Variants in PCDH15 observed in about 807,000 individuals in gnomAD.
PCDH15 encodes protocadherin related 15.
In PCDH15, 129 loss-of-function variants were observed where a neutral mutation model predicts 178.5. That is an observed-to-expected ratio of 0.72 (90% CI 0.63 to 0.84). PCDH15 has a LOEUF of 0.84. Ranked by LOEUF, PCDH15 falls within the 40% of genes least tolerant of loss-of-function variation. PCDH15 has a pLI of 0.00. For synonymous variants in PCDH15, 800 were observed against 732.0 expected, an observed-to-expected ratio of 1.09 and a Z score of -1.50; for missense variants, 2,230 against 2,099.9, an observed-to-expected ratio of 1.06 and a Z score of -1.21.
chr10:54,720,808 C>A (rs1941477928), intron 1 of PCDH15, among the ~76,000 whole-genome samples: 1 of 151,994 alleles, frequency 6.6e-6, no homozygotes, highest in African/African-American at 2.4e-5. Flanking sequence ...GACTTCAACA[C>A]CCTATTGACA....
At chr10:55,368,455 T>C (rs1004238231) in intron 2 of PCDH15, among the ~76,000 whole-genome samples, 4 of 152,108 alleles carry the variant, frequency 2.6e-5, no homozygotes, top group African/African-American at 9.7e-5. Flanking sequence ...TCTGGAAGCC[T>C]AAGAAACTCT....
chr10:54,599,459 A>C (rs944343715), intron 2 of PCDH15, among the ~76,000 whole-genome samples: 1 of 152,166 alleles, frequency 6.6e-6, no homozygotes, highest in Non-Finnish European at 1.5e-5. Flanking sequence ...AGCCATATGC[A>C]GAGATTGAAA....
At chr10:54,534,057 G>A (rs1264812499) in intron 2 of PCDH15, among the ~76,000 whole-genome samples, 1 of 152,118 alleles carries the variant, frequency 6.6e-6, no homozygotes, top group East Asian at 1.9e-4. Flanking sequence ...AGGACAAAAT[G>A]AGGAAATCTA....
At chr10:54,109,618 T>C (rs2094978364) in intron 15 of PCDH15, among the ~76,000 whole-genome samples, 1 of 152,220 alleles carries the variant, frequency 6.6e-6, no homozygotes, top group Non-Finnish European at 1.5e-5. Flanking sequence ...ATCTCATTTA[T>C]TCATGTGAGC....
chr10:55,109,816 C>A (rs1340115823), intron 2 of PCDH15, among the ~76,000 whole-genome samples: 1 of 151,914 alleles, frequency 6.6e-6, no homozygotes, highest in Admixed American at 6.6e-5. Flanking sequence ...CAGAAAGCAA[C>A]AGATTGAGCT....
At chr10:54,915,060 A>G (rs2131838413) in intron 2 of PCDH15, among the ~76,000 whole-genome samples, 1 of 152,330 alleles carries the variant, frequency 6.6e-6, no homozygotes, top group South Asian at 2.1e-4. Context: ...ATACAAAACA[A>G]AACAGTCATA....
chr10:54,092,185 C>A (rs531404036), intron 15 of PCDH15, among the ~76,000 whole-genome samples: 1 of 152,174 alleles, frequency 6.6e-6, no homozygotes, highest in African/African-American at 2.4e-5. Context: ...TGAGGGCTCA[C>A]TCTTACATTC....
chr10:54,133,297 T>A (rs1386659537), intron 14 of PCDH15, among the ~76,000 whole-genome samples: 1 of 152,230 alleles, frequency 6.6e-6, no homozygotes, highest in Non-Finnish European at 1.5e-5. Flanking sequence ...TTAACTTGCC[T>A]TGACTTCTGA....
At chr10:54,404,462 G>A (rs1458021339) in intron 3 of PCDH15, among the ~76,000 whole-genome samples, 3 of 152,010 alleles carry the variant, frequency 2.0e-5, no homozygotes, top group Non-Finnish European at 2.9e-5. Context: ...GAACTGACAA[G>A]CCATATGCAG....
intron 2 of PCDH15, among the ~76,000 whole-genome samples, chr10:55,356,806 T>C (rs1845091929): frequency 6.6e-6 from 1 of 151,980 alleles, no homozygotes; most frequent in Non-Finnish European, 1.5e-5. Flanking sequence ...CATTCCGAGA[T>C]TACATCATTT....
intron 15 of PCDH15, among the ~76,000 whole-genome samples, chr10:54,105,277 G>GATATATATATATAT (rs55696020): frequency 1.1e-5 from 1 of 90,452 alleles, no homozygotes; most frequent in Non-Finnish European, 2.3e-5. Context: ...TATAGATGGA[G>GATATATATATATAT]ATATATATAT....
At chr10:55,207,469 A>G (rs1030983488) in intron 1 of PCDH15, among the ~76,000 whole-genome samples, 3 of 152,098 alleles carry the variant, frequency 2.0e-5, no homozygotes, top group Admixed American at 2.0e-4. Context: ...AGTCAAGCCT[A>G]GAAACTCTGA....
At chr10:55,114,537 T>G (rs1246995769) in intron 2 of PCDH15, among the ~76,000 whole-genome samples, 1 of 152,220 alleles carries the variant, frequency 6.6e-6, no homozygotes, top group East Asian at 1.9e-4. Context: ...GTCTGGATTT[T>G]CCAGCTCCCT....
chr10:54,202,347 A>G (rs1313521108), intron 10 of PCDH15, among the ~76,000 whole-genome samples: 1 of 152,130 alleles, frequency 6.6e-6, no homozygotes, highest in Non-Finnish European at 1.5e-5. Flanking sequence ...GGAGGGAGGA[A>G]GAAAAAGAGG....
intron 2 of PCDH15, among the ~76,000 whole-genome samples, chr10:55,582,755 A>C (rs1842649192): frequency 1.3e-5 from 2 of 151,000 alleles, no homozygotes; most frequent in Non-Finnish European, 2.9e-5. Flanking sequence ...TAAATAATTT[A>C]TTAATTAAAT....
At chr10:55,065,121 T>C (rs968671666) in intron 2 of PCDH15, among the ~76,000 whole-genome samples, 33 of 152,010 alleles carry the variant, frequency 2.2e-4, no homozygotes, top group African/African-American at 7.0e-4. Context: ...GAATCACAAT[T>C]TAAAAATAGA....
intron 21 of PCDH15, among the ~76,000 whole-genome samples, chr10:53,981,977 AAAAC>A (rs1461551866): frequency 2.6e-5 from 4 of 152,114 alleles, no homozygotes; most frequent in Non-Finnish European, 4.4e-5. Flanking sequence ...TTACAAGAAA[AAAAC>A]AAACAACCCC....
chr10:55,124,271 T>C (rs1837845133), intron 2 of PCDH15, among the ~76,000 whole-genome samples: 1 of 152,136 alleles, frequency 6.6e-6, no homozygotes, highest in Non-Finnish European at 1.5e-5. Context: ...ATAGTGTATC[T>C]CCTGGTCATA....
chr10:54,852,402 T>G (rs1409171264), intron 3 of PCDH15, among the ~76,000 whole-genome samples: 1 of 152,028 alleles, frequency 6.6e-6, no homozygotes, highest in East Asian at 1.9e-4. Flanking sequence ...GGAAAATGCC[T>G]CTTAAAGAGG....
Sources: allele counts gnomAD v4.1 joint callset (sites outside exome capture counted in the v4.1 genomes callset), GRCh38; gene constraint gnomAD v4.1.1; transcripts MANE v1.5; gene names NCBI Gene and HGNC (gene_info 2026-07-23, HGNC 2026-07-21).